Variants in SYNE2 observed in about 807,000 individuals in gnomAD.
SYNE2 encodes the protein nesprin-2.
In SYNE2, 431 loss-of-function variants were observed where a neutral mutation model predicts 856.3. The observed-to-expected ratio is 0.50, with a 90% CI of 0.47 to 0.55. The LOEUF (loss-of-function observed/expected upper bound fraction) is 0.55. Ranked by LOEUF, SYNE2 falls within the 20% of genes least tolerant of loss-of-function variation. The pLI is 0.00. For synonymous variants in SYNE2, 2,923 were observed against 2,872.3 expected (o/e 1.02, Z -0.56); for missense variants, 8,129 against 8,023.2 (o/e 1.01, Z -0.50).
rs374706268 is a variant in SYNE2 at position 64,130,259 on chromosome 14, C to T, written c.14340+11C>T. The stretch of plus-strand genomic sequence containing the variant: ...ATAGAAAATCACAAGGTGAGACAGA[C>T]ACATGGGTCGGGTGACCCCTTCATA... On this transcript the variant is annotated intron_variant, in intron 76 of 115. Transcript: ENST00000555002. 1.8e-4 allele frequency: 288 copies of T among 1,608,102 alleles called. No homozygotes were observed. The highest frequency in any genetic ancestry group is 3.3e-4 in the Middle Eastern group (2 of 6,080).
chr14:63,861,032 A>G (rs914045281), intron 1 of SYNE2, among the ~76,000 whole-genome samples: 1 of 152,028 alleles, frequency 6.6e-6, no homozygotes, highest in Non-Finnish European at 1.5e-5. Context: ...AGTGATTCTG[A>G]TGCATGCTCC....
chr14:63,764,402 G>C (rs757471766), intron 1 of SYNE2, among the ~76,000 whole-genome samples: 1 of 152,096 alleles, frequency 6.6e-6, no homozygotes, highest in African/African-American at 2.4e-5. Flanking sequence ...AGCTGCAATG[G>C]CTCACGCCTA....
chr14:64,121,954 G>A (rs1322052518), intron 68 of SYNE2, 58 bp from the exon 69 acceptor site: 2 of 1,608,644 alleles, frequency 1.2e-6, no homozygotes, highest in Non-Finnish European at 1.7e-6. Context: ...GAGGAAACTA[G>A]TGGGTACTAA....
chr14:63,987,794 GAACA>G (rs2153480780), intron 19 of SYNE2, among the ~76,000 whole-genome samples: 1 of 151,792 alleles, frequency 6.6e-6, no homozygotes, highest in African/African-American at 2.4e-5. Flanking sequence ...AAATTTTAGT[GAACA>G]TACAAGCACA....
chr14:64,094,463 AAAC>A (rs1595475942), intron 61 of SYNE2, among the ~76,000 whole-genome samples: 2 of 152,232 alleles, frequency 1.3e-5, no homozygotes, highest in Admixed American at 6.5e-5. Flanking sequence ...CTATAATAAA[AAAC>A]AACAACAACA....
intron 96 of SYNE2, among the ~76,000 whole-genome samples, chr14:64,178,110 AT>A (rs2098442823): frequency 6.6e-6 from 1 of 152,200 alleles, no homozygotes; most frequent in South Asian, 2.1e-4. Context: ...TTGGAGTGGT[AT>A]TTTAATTTTT....
rs780453645 is a variant in SYNE2 at position 64,052,394 on chromosome 14, G to T, written c.8481G>T (p.Gln2827His). Residue 2827 changes from glutamine (Q) to histidine (H), a missense_variant, in exon 48 of 116, where the codon CAG (glutamine) becomes CAT (histidine). Around this residue, in one of 3 missense-constraint regions of SYNE2, gnomAD observed 5,410 missense variants for 5,284.8 expected, o/e 1.02. Coordinates refer to ENST00000555002, the MANE Select transcript of SYNE2 (RefSeq NM_182914.3). ...TTTTAAAATCAACTCAAAGATCACA[G>T]CAATTAGAATTTAAGTTGGAAGAAA... The part of the protein sequence containing the change: ...MLVLKSTQRS[Q>H]QLEFKLEERS... 6.2e-7 allele frequency: 1 copy of T among 1,613,848 alleles called. No individual in the cohort carries two copies. Among genetic ancestry groups the T allele is most frequent in the Non-Finnish European group, 8.5e-7 (1 of 1,179,954 alleles).
At chr14:64,102,067 C>A (rs1331101477) in intron 64 of SYNE2, 25 bp downstream of exon 64, 1 of 1,554,840 alleles carries the variant, frequency 6.4e-7, no homozygotes, top group Non-Finnish European at 8.9e-7. Flanking sequence ...ATCAGCCACG[C>A]TTAGGGGTTA....
intron 64 of SYNE2, among the ~76,000 whole-genome samples, chr14:64,105,620 C>A (rs2097766063): frequency 6.6e-6 from 1 of 152,228 alleles, no homozygotes; most frequent in African/African-American, 2.4e-5. Context: ...ATAATATCCA[C>A]ATGCTTTCTG....
intron 49 of SYNE2, among the ~76,000 whole-genome samples, chr14:64,061,353 G>A (rs10140978): frequency 0.89 from 136,050 of 152,242 alleles, 61,051 homozygotes; most frequent in Non-Finnish European, 0.94. Flanking sequence ...AGTGCTACTT[G>A]GGAAAATTTT....
intron 34 of SYNE2, among the ~76,000 whole-genome samples, chr14:64,018,229 T>C (rs2096909024): frequency 6.6e-6 from 1 of 152,026 alleles, no homozygotes. Flanking sequence ...CCCCAGGGGT[T>C]ACCAGACTTT....
intron 1 of SYNE2, among the ~76,000 whole-genome samples, chr14:63,886,970 T>C (rs1380385524): frequency 6.6e-6 from 1 of 152,130 alleles, no homozygotes; most frequent in Non-Finnish European, 1.5e-5. Context: ...CTTTAATTAG[T>C]AATGAATTTA....
intron 23 of SYNE2, among the ~76,000 whole-genome samples, chr14:63,995,768 G>GATAT (rs975726822): frequency 4.6e-5 from 5 of 109,064 alleles, no homozygotes; most frequent in South Asian, 3.6e-4. Flanking sequence ...TATCTATCTA[G>GATAT]ATATATATAA....
intron 1 of SYNE2, among the ~76,000 whole-genome samples, chr14:63,883,355 G>A (rs1318330668): frequency 9.2e-5 from 14 of 151,840 alleles, no homozygotes; most frequent in Admixed American, 8.5e-4. Flanking sequence ...CACGATGCTC[G>A]GCCTATTTAT....
chr14:63,979,641 G>A (rs377676087), intron 14 of SYNE2, among the ~76,000 whole-genome samples: 13 of 152,216 alleles, frequency 8.5e-5, no homozygotes, highest in African/African-American at 2.7e-4. Context: ...GGCTGGGCGC[G>A]GTGGCGCACA....
At chr14:63,832,593 A>G (rs2139900232) in intron 1 of SYNE2, among the ~76,000 whole-genome samples, 1 of 152,184 alleles carries the variant, frequency 6.6e-6, no homozygotes, top group African/African-American at 2.4e-5. Flanking sequence ...GAAGTGCATG[A>G]TTTGGTGGAT....
In SYNE2 at chr14:63,963,945, A is replaced by T. The variant is rs1276783177; in HGVS notation, c.935A>T (p.Lys312Ile). The T allele has an allele frequency of 6.2e-7, 1 of 1,613,262 alleles. No individual in the cohort carries two copies. Among genetic ancestry groups the T allele is most frequent in the East Asian group, 2.2e-5 (1 of 44,780 alleles). Reference sequence around the variant, plus strand: ...GGCTGGTTAACTCTGCAAAAGGAAAAACTACAGAAGTTGCTAAAGGATTCA... The same window carrying T: ...GGCTGGTTAACTCTGCAAAAGGAAATACTACAGAAGTTGCTAAAGGATTCA... ...AMGWLTLQKEKLQKLLKDSEN... is the reference protein window; with the variant it reads ...AMGWLTLQKEILQKLLKDSEN... The change falls in exon 10 of 116, where the codon AAA becomes ATA. Residue 312 changes from lysine (K) to isoleucine (I), a missense_variant. Physicochemically the swap from Lys to Ile is moderately radical, Grantham distance 102. This residue lies in a region of SYNE2 where 2,422 missense variants were observed against 2,357.4 expected (regional missense o/e 1.03). Coordinates refer to ENST00000555002, the MANE Select transcript of SYNE2 (RefSeq NM_182914.3).
At chr14:63,847,323 ATGT>A (rs1890259271) in intron 1 of SYNE2, among the ~76,000 whole-genome samples, 1 of 151,630 alleles carries the variant, frequency 6.6e-6, no homozygotes. Flanking sequence ...GTGTGGTGGC[ATGT>A]GCCTGCTGTA....
intron 6 of SYNE2, among the ~76,000 whole-genome samples, chr14:63,945,799 T>G (rs1431514778): frequency 6.6e-6 from 1 of 152,104 alleles, no homozygotes; most frequent in Non-Finnish European, 1.5e-5. Flanking sequence ...TAATTCTGTA[T>G]TTTTACTAGA....
Sources: allele counts gnomAD v4.1 joint callset (sites outside exome capture counted in the v4.1 genomes callset), GRCh38; gene constraint gnomAD v4.1.1; regional missense constraint gnomAD v4.1.1; transcripts MANE v1.5; gene names NCBI Gene and HGNC (gene_info 2026-07-23, HGNC 2026-07-21).